Variants in HAPLN1 observed in about 807,000 individuals in gnomAD.
HAPLN1 encodes the protein hyaluronan and proteoglycan link protein 1, also known as Cartilage link protein.
Under a neutral mutation model 36.5 loss-of-function variants are expected in HAPLN1, and 13 were observed. The ratio of observed to expected loss-of-function variants is 0.36; its 90% CI spans 0.23 to 0.57. The LOEUF is 0.57. HAPLN1 is among the 20% of genes least tolerant of loss of function. The pLI is 0.83. For synonymous variants in HAPLN1, 202 were observed against 169.8 expected (o/e 1.19, Z -1.48); for missense variants, 407 against 439.7 (o/e 0.93, Z 0.66).
chr5:83,652,451 A>G lies in HAPLN1; in HGVS notation c.472+2T>C, dbSNP rs2112566602. ...CGTTGAACATGACTTATAGATACAT[A>G]CCTTGTAAGTCCAGTGCTACCACAA... On this transcript the variant is annotated splice_donor_variant, in intron 3 of 4. Coordinates refer to ENST00000274341, the MANE Select transcript of HAPLN1 (RefSeq NM_001884.4). LOFTEE classifies it high-confidence loss of function. 1 of 1,610,918 alleles carries G rather than the reference A, an allele frequency of 6.2e-7. No homozygotes were observed. Among genetic ancestry groups the G allele is most frequent in the Middle Eastern group, 1.7e-4 (1 of 6,010 alleles).
chr5:83,695,266 C>T (rs1404750979), intron 1 of HAPLN1, among the ~76,000 whole-genome samples: 1 of 152,110 alleles, frequency 6.6e-6, no homozygotes, highest in Non-Finnish European at 1.5e-5. Context: ...GCTGGGATTA[C>T]AGGCACATGC....
intron 3 of HAPLN1, among the ~76,000 whole-genome samples, chr5:83,646,292 T>C (rs1045681409): frequency 6.6e-6 from 1 of 152,242 alleles, no homozygotes; most frequent in African/African-American, 2.4e-5. Context: ...AAATAACTAG[T>C]ATTTTGGCAT....
chr5:83,690,716 A>G (rs1222203684), intron 1 of HAPLN1, among the ~76,000 whole-genome samples: 1 of 152,052 alleles, frequency 6.6e-6, no homozygotes, highest in East Asian at 1.9e-4. Context: ...CTTAGGGAAA[A>G]AAATATCTGA....
At chr5:83,665,607 C>T (rs1425627088) in intron 2 of HAPLN1, among the ~76,000 whole-genome samples, 2 of 152,152 alleles carry the variant, frequency 1.3e-5, no homozygotes, top group African/African-American at 4.8e-5. Context: ...TTTACCTAAT[C>T]TCCATACTTG....
rs568697082 is a variant in HAPLN1, at chr5:83,639,800, T to C, written c.*1696A>G. On this transcript the variant is annotated 3_prime_UTR_variant, in exon 5 of 5. Transcript: ENST00000274341. ...ATTGTCATCTTTTAATATTAAAGCA[T>C]CTGAAAATTTTCAGATATGTTTTTG... 1.5e-3 allele frequency: 224 copies of C among 152,248 alleles called. 2 individuals are homozygous for C. The highest frequency in any genetic ancestry group is 5.3e-3 in the African/African-American group (221 of 41,574). 9.4% of individuals were successfully genotyped at this position (152,248 alleles called of 1,614,324 possible). A position where few individuals can be genotyped will look rare whatever the true frequency, so the allele number is the denominator to read the frequency against.
At chr5:83,656,725 AG>A (rs1750228776) in intron 2 of HAPLN1, among the ~76,000 whole-genome samples, 1 of 152,168 alleles carries the variant, frequency 6.6e-6, no homozygotes, top group Non-Finnish European at 1.5e-5. Context: ...AGTTGTCTCC[AG>A]GGGAAACTGC....
rs180975023 is a variant in HAPLN1 at position 83,716,111 on chromosome 5, G to A, written c.-27+4678C>T. On this transcript the variant is annotated intron_variant, in intron 1 of 4. Transcript: ENST00000274341. ...AAATTCAAAATAACAGAGCGAAAAT[G>A]AGAAAAAAAATTCACAGAGTATGAA... 3.4e-3 allele frequency among the ~76,000 whole-genome samples: 514 copies of A among 151,944 alleles called. 5 individuals are homozygous for A. Among genetic ancestry groups the A allele is most frequent in the African/African-American group, 0.012 (479 of 41,456 alleles).
At chr5:83,704,923 A>G (rs1751603058) in intron 1 of HAPLN1, among the ~76,000 whole-genome samples, 1 of 152,232 alleles carries the variant, frequency 6.6e-6, no homozygotes, top group Admixed American at 6.5e-5. Context: ...ACCTCTACAG[A>G]ACTGTCCATC....
At chr5:83,714,625 C>T (rs779162491) in intron 1 of HAPLN1, among the ~76,000 whole-genome samples, 1 of 152,110 alleles carries the variant, frequency 6.6e-6, no homozygotes, top group Non-Finnish European at 1.5e-5. Flanking sequence ...GGCTTTGACC[C>T]GTATTTTCAA....
intron 3 of HAPLN1, among the ~76,000 whole-genome samples, chr5:83,646,545 A>G (rs1178781597): frequency 6.6e-6 from 1 of 152,232 alleles, no homozygotes; most frequent in Non-Finnish European, 1.5e-5. Flanking sequence ...TCTGTAGGGC[A>G]ATCCAGCTGG....
Position 83,648,395 on chromosome 5 carries a change from C to CCATATA in HAPLN1, c.473-3731_473-3730insTATATG, listed in dbSNP as rs1248172103. On this transcript the variant is annotated intron_variant, in intron 3 of 4. Coordinates refer to ENST00000274341, the MANE Select transcript of HAPLN1 (RefSeq NM_001884.4). Reference sequence around the variant, plus strand: ...GGATGTGGCCTCTTCCTATATTTGACTATATATATATATATATATATATAT... The same window carrying CCATATA: ...GGATGTGGCCTCTTCCTATATTTGACCATATATATATATATATATATATATATATAT... 8.2e-4 allele frequency among the ~76,000 whole-genome samples: 50 copies of CCATATA among 60,662 alleles called. 2 individuals are homozygous for CCATATA. The highest frequency in any genetic ancestry group is 2.9e-3 in the African/African-American group (49 of 16,872). The allele number at this position is 60,662 out of a possible 152,430, so 39.8% of individuals were successfully genotyped here. A position where few individuals can be genotyped will look rare whatever the true frequency, so the allele number is the denominator to read the frequency against.
intron 2 of HAPLN1, among the ~76,000 whole-genome samples, chr5:83,670,741 C>A (rs1191213631): frequency 6.6e-6 from 1 of 151,772 alleles, no homozygotes; most frequent in Non-Finnish European, 1.5e-5. Context: ...GTTGCCCAGG[C>A]TGGAGTGCAG....
At chr5:83,676,375 C>A (rs1382388323) in intron 1 of HAPLN1, among the ~76,000 whole-genome samples, 2 of 152,136 alleles carry the variant, frequency 1.3e-5, no homozygotes, top group Non-Finnish European at 2.9e-5. Context: ...TCAATACAAT[C>A]CAGGGAGGTG....
intron 1 of HAPLN1, among the ~76,000 whole-genome samples, chr5:83,711,409 G>A (rs1751782178): frequency 6.6e-6 from 1 of 152,092 alleles, no homozygotes; most frequent in African/African-American, 2.4e-5. Flanking sequence ...CAAGTGTGGA[G>A]GACGGGGGCA....
intron 2 of HAPLN1, among the ~76,000 whole-genome samples, chr5:83,660,673 T>C (rs1231923673): frequency 6.6e-6 from 1 of 152,156 alleles, no homozygotes; most frequent in East Asian, 1.9e-4. Flanking sequence ...AACTCTGTTC[T>C]GTTGATAAAG....
intron 1 of HAPLN1, among the ~76,000 whole-genome samples, chr5:83,675,687 G>A (rs1222864613): frequency 6.6e-6 from 1 of 152,104 alleles, no homozygotes; most frequent in Non-Finnish European, 1.5e-5. Flanking sequence ...ATTTAAAATT[G>A]TAAACGTCTT....
chr5:83,677,283 A>C (rs6886123), intron 1 of HAPLN1, among the ~76,000 whole-genome samples: 1 of 152,014 alleles, frequency 6.6e-6, no homozygotes, highest in African/African-American at 2.4e-5. Context: ...TACAACAAGG[A>C]GCTGGTAGTC....
At chr5:83,681,866 T>G (rs1447785978) in intron 1 of HAPLN1, among the ~76,000 whole-genome samples, 1 of 152,194 alleles carries the variant, frequency 6.6e-6, no homozygotes, top group Non-Finnish European at 1.5e-5. Context: ...TGCTTTTAAA[T>G]GTAGGTTATA....
At position 83,704,591 on chromosome 5, in the gene HAPLN1, C is replaced by T. The variant is rs866557521; in HGVS notation, c.-27+16198G>A. ...AAAGCAAATGGAAACCAGAAAAAAG[C>T]AGGAGCTGCAATCCTAATTTTGGAA... On this transcript the variant is annotated intron_variant, in intron 1 of 4. Transcript: ENST00000274341. 3.9e-5 allele frequency among the ~76,000 whole-genome samples: 6 copies of T among 152,240 alleles called. No homozygotes were observed. In the Middle Eastern group the frequency reaches 0.01, roughly 261 times the overall value.
Sources: gnomAD v4.1 joint callset for allele counts (sites outside exome capture counted in the v4.1 genomes callset) on GRCh38, gnomAD v4.1.1 for gene constraint, MANE v1.5 for transcripts, NCBI Gene and HGNC (gene_info 2026-07-23, HGNC 2026-07-21) for gene names.